HHAT: variants seen among roughly 807,000 people sequenced by gnomAD.
HHAT encodes the protein hedgehog acyltransferase, also known as protein-cysteine N-palmitoyltransferase HHAT.
Under a neutral mutation model 70.8 loss-of-function variants are expected in HHAT, and 47 were observed. The observed-to-expected ratio is 0.66, with a 90% confidence interval of 0.53 to 0.85. The LOEUF is 0.85. HHAT is among the 40% of genes least tolerant of loss of function. The pLI is 0.00. For missense variants in HHAT, 609 were observed against 604.8 expected (o/e 1.01, Z -0.07); for synonymous variants, 228 against 247.6 (o/e 0.92, Z 0.74).
rs145344074 is a variant in HHAT at position 210,387,575 on chromosome 1, A to G, written c.267A>G (p.Ala89=). 2.7e-4 allele frequency: 428 copies of G among 1,611,972 alleles called. 4 individuals are homozygous for G. In the Admixed American group the frequency reaches 7.0e-3, roughly 26 times the overall value. ...TGTCTCAAATGGCCACACTGCTGGC[A>G]AGAAAGGTATGATTATATGTGTTGT... is the stretch of plus-strand genomic sequence containing the variant. The part of the protein sequence containing the change: ...MVVSQMATLL[A]RKHRPWILML... The change falls in exon 4 of 12, where the codon GCA becomes GCG. Residue 89 remains alanine (A), a synonymous_variant. Transcript: ENST00000261458.
intron 11 of HHAT, among the ~76,000 whole-genome samples, chr1:210,648,334 G>T (rs917733466): frequency 6.6e-6 from 1 of 152,236 alleles, no homozygotes; most frequent in Non-Finnish European, 1.5e-5. Flanking sequence ...AGGAAATTGA[G>T]TGCTGCCTCA....
chr1:210,559,496 C>T (rs556628734), intron 9 of HHAT, among the ~76,000 whole-genome samples: 2 of 152,316 alleles, frequency 1.3e-5, no homozygotes, highest in African/African-American at 2.4e-5. Context: ...ACCCCTTATA[C>T]ATAGATCATA....
chr1:210,623,565 G>A lies in HHAT; in HGVS notation c.1285G>A (p.Ala429Thr), dbSNP rs376491664. Residue 429 changes from alanine (A) to threonine (T), a missense_variant, in exon 11 of 12, where the codon GCT becomes ACT. By Grantham distance (58) the Ala-to-Thr change is moderately conservative (BLOSUM62 0). Coordinates refer to ENST00000261458, the MANE Select transcript of HHAT (RefSeq NM_018194.6). The part of the protein sequence containing the change: ...FSPQARRRFH[A>T]ALASCSTSML... ...CCCACAAGCTCGCCGTCGATTCCAC[G>A]CTGCCCTTGCTTCTTGTTCCACCTC... is the stretch of plus-strand genomic sequence containing the variant. 125 of 1,613,790 alleles carry A rather than the reference G, an allele frequency of 7.7e-5. 2 individuals are homozygous for A. The highest frequency in any genetic ancestry group is 9.1e-5 in the Non-Finnish European group (107 of 1,179,964).
chr1:210,619,021 C>T (rs1014266375), intron 10 of HHAT, among the ~76,000 whole-genome samples: 1 of 152,172 alleles, frequency 6.6e-6, no homozygotes, highest in Non-Finnish European at 1.5e-5. Flanking sequence ...TGACATTCCT[C>T]CATCTCATCT....
intron 9 of HHAT, among the ~76,000 whole-genome samples, chr1:210,570,398 G>A (rs955770329): frequency 1.3e-5 from 2 of 152,182 alleles, no homozygotes; most frequent in African/African-American, 4.8e-5. Context: ...CAGAGACCCT[G>A]GTGCAAGCTT....
chr1:210,660,730 G>C (rs1219672848), intron 11 of HHAT, among the ~76,000 whole-genome samples: 1 of 152,056 alleles, frequency 6.6e-6, no homozygotes, highest in African/African-American at 2.4e-5. Context: ...TAGACCAATG[G>C]AACAGAACAG....
intron 9 of HHAT, among the ~76,000 whole-genome samples, chr1:210,560,906 C>T (rs1357590915): frequency 7.1e-6 from 1 of 141,374 alleles, no homozygotes; most frequent in Non-Finnish European, 1.5e-5. Flanking sequence ...ATTTTAAAGA[C>T]CTTTCAGATT....
intron 7 of HHAT, among the ~76,000 whole-genome samples, chr1:210,453,354 C>A (rs1002116198): frequency 3.3e-5 from 5 of 152,276 alleles, no homozygotes; most frequent in Admixed American, 3.3e-4. Context: ...ATTTACTACT[C>A]TGGAACTTGA....
At chr1:210,673,806 T>C (rs1215467670) in intron 11 of HHAT, among the ~76,000 whole-genome samples, 1 of 132,842 alleles carries the variant, frequency 7.5e-6, no homozygotes, top group Non-Finnish European at 1.6e-5. Context: ...TATTTATTTA[T>C]TTATTTATGG....
chr1:210,653,978 G>GA, intron 11 of HHAT, among the ~76,000 whole-genome samples: 1 of 128 alleles, frequency 7.8e-3, no homozygotes, highest in Non-Finnish European at 0.015. Context: ...ATAGTGTGAT[G>GA]GGAATAGTGT....
chr1:210,386,473 C>T (rs908528891), intron 3 of HHAT, among the ~76,000 whole-genome samples: 6 of 151,448 alleles, frequency 4.0e-5, no homozygotes, highest in African/African-American at 9.7e-5. Flanking sequence ...CTCCTGACCT[C>T]GTGATCCGCC....
chr1:210,433,876 A>G (rs1249138720), intron 7 of HHAT, among the ~76,000 whole-genome samples: 1 of 152,008 alleles, frequency 6.6e-6, no homozygotes, highest in Admixed American at 6.5e-5. Flanking sequence ...CTGCCTGGGC[A>G]GGGCATTGGG....
At chr1:210,424,185 T>C (rs2092989218) in intron 7 of HHAT, among the ~76,000 whole-genome samples, 1 of 152,208 alleles carries the variant, frequency 6.6e-6, no homozygotes, top group African/African-American at 2.4e-5. Flanking sequence ...TGTTTTTCCA[T>C]TTCTTTGTAT....
chr1:210,380,231 C>T (rs996858633), intron 3 of HHAT, among the ~76,000 whole-genome samples: 14 of 152,280 alleles, frequency 9.2e-5, no homozygotes, highest in African/African-American at 3.4e-4. Flanking sequence ...AGAGACAGCT[C>T]AGTAACCTGT....
chr1:210,426,168 G>A (rs1281649404), intron 7 of HHAT, among the ~76,000 whole-genome samples: 1 of 152,186 alleles, frequency 6.6e-6, no homozygotes, highest in Non-Finnish European at 1.5e-5. Context: ...ATATAGGTAT[G>A]CTAGTGATTT....
intron 10 of HHAT, among the ~76,000 whole-genome samples, chr1:210,591,240 ACT>A (rs1340195987): frequency 1.3e-5 from 2 of 151,674 alleles, no homozygotes; most frequent in Admixed American, 6.6e-5. Context: ...TCATCCTTTT[ACT>A]CTCTGTCTCC....
chr1:210,537,276 C>T (rs1392096187), intron 9 of HHAT, among the ~76,000 whole-genome samples: 1 of 152,132 alleles, frequency 6.6e-6, no homozygotes, highest in African/African-American at 2.4e-5. Flanking sequence ...TGCTGTGCTA[C>T]GAAGTCCCTC....
At chr1:210,424,882 T>C (rs1158587661) in intron 7 of HHAT, among the ~76,000 whole-genome samples, 2 of 152,218 alleles carry the variant, frequency 1.3e-5, no homozygotes, top group East Asian at 3.8e-4. Context: ...GATTGCTGGG[T>C]CAAATGGTAT....
At chr1:210,433,515 G>A (rs956319207) in intron 7 of HHAT, among the ~76,000 whole-genome samples, 2 of 151,854 alleles carry the variant, frequency 1.3e-5, no homozygotes, top group African/African-American at 2.4e-5. Context: ...AATCAAAGGA[G>A]AGAAATATTC....
Sources: allele counts gnomAD v4.1 joint callset (sites outside exome capture counted in the v4.1 genomes callset), GRCh38; gene constraint gnomAD v4.1.1; transcripts MANE v1.5; gene names NCBI Gene and HGNC (gene_info 2026-07-23, HGNC 2026-07-21).